The following DLGAP1 variants were observed in gnomAD, a reference collection of about 807,000 sequenced individuals.
DLGAP1 encodes disks large-associated protein 1.
A neutral mutation model predicts 90.8 loss-of-function variants in DLGAP1; 11 were observed. The observed-to-expected ratio is 0.12, with a 90% CI of 0.08 to 0.20. The LOEUF (loss-of-function observed/expected upper bound fraction) is 0.20. Among genes scored for constraint, DLGAP1 ranks in the 10% least tolerant of loss-of-function variants. The pLI is 1.00. For missense variants in DLGAP1, 1,050 were observed against 1,333.8 expected (o/e 0.79, Z 3.31); for synonymous variants, 558 against 540.7 (o/e 1.03, Z -0.44).
intron 5 of DLGAP1, among the ~76,000 whole-genome samples, chr18:3,795,045 C>T (rs1412683866): frequency 6.6e-6 from 1 of 152,210 alleles, no homozygotes; most frequent in Non-Finnish European, 1.5e-5. Flanking sequence ...GAGAATGTAA[C>T]TGAAGCCAAT....
chr18:4,174,984 C>T (rs771705023), intron 1 of DLGAP1, among the ~76,000 whole-genome samples: 2 of 152,002 alleles, frequency 1.3e-5, no homozygotes, highest in Non-Finnish European at 2.9e-5. Flanking sequence ...GTATATGTAC[C>T]ACCTTTTCTT....
chr18:3,755,785 G>A (rs1251909890), intron 5 of DLGAP1, among the ~76,000 whole-genome samples: 7 of 152,046 alleles, frequency 4.6e-5, no homozygotes, highest in Non-Finnish European at 7.4e-5. Flanking sequence ...CAAGGAAACC[G>A]AAGACCTCGA....
At chr18:4,396,339 A>AC (rs147532790) in intron 1 of DLGAP1, among the ~76,000 whole-genome samples, 3 of 152,214 alleles carry the variant, frequency 2.0e-5, no homozygotes, top group Admixed American at 6.5e-5. Flanking sequence ...ATAGAATTCC[A>AC]CAGCCACTCC....
intron 7 of DLGAP1, among the ~76,000 whole-genome samples, chr18:3,621,645 T>G (rs1429556434): frequency 6.6e-6 from 1 of 152,184 alleles, no homozygotes; most frequent in East Asian, 1.9e-4. Context: ...TACTTTCCTT[T>G]TTCTGTCTAT....
At chr18:4,235,752 G>T (rs1299290546) in intron 1 of DLGAP1, among the ~76,000 whole-genome samples, 15 of 122,690 alleles carry the variant, frequency 1.2e-4, no homozygotes, top group African/African-American at 4.0e-4. Context: ...TTGAGACGGA[G>T]TCTCACTCTG....
chr18:3,851,784 T>C (rs2069356620), intron 4 of DLGAP1, among the ~76,000 whole-genome samples: 1 of 152,154 alleles, frequency 6.6e-6, no homozygotes, highest in Non-Finnish European at 1.5e-5. Context: ...TAACCCAACA[T>C]TGTTATTAAT....
At chr18:3,832,804 G>A (rs2148568524) in intron 4 of DLGAP1, among the ~76,000 whole-genome samples, 1 of 152,220 alleles carries the variant, frequency 6.6e-6, no homozygotes, top group South Asian at 2.1e-4. Flanking sequence ...ATACAAAGTA[G>A]GGGCAAGAAG....
At chr18:3,551,158 C>CATATATATATAT (rs1275015577) in intron 9 of DLGAP1, among the ~76,000 whole-genome samples, 100 of 7,826 alleles carry the variant, frequency 0.013, no homozygotes, top group African/African-American at 0.014. Context: ...ATATTATATA[C>CATATATATATAT]ATATATATAT....
chr18:4,191,887 G>C (rs2077407345), intron 1 of DLGAP1, among the ~76,000 whole-genome samples: 1 of 152,014 alleles, frequency 6.6e-6, no homozygotes, highest in African/African-American at 2.4e-5. Context: ...GAGTTCCATG[G>C]GTGCACACAA....
At chr18:4,345,731 A>G (rs1173648093) in intron 1 of DLGAP1, among the ~76,000 whole-genome samples, 1 of 152,176 alleles carries the variant, frequency 6.6e-6, no homozygotes, top group African/African-American at 2.4e-5. Context: ...ACCTCAATCG[A>G]TGTTCAATGC....
intron 1 of DLGAP1, among the ~76,000 whole-genome samples, chr18:4,306,952 C>T (rs2080277407): frequency 6.6e-6 from 1 of 152,164 alleles, no homozygotes; most frequent in Admixed American, 6.5e-5. Flanking sequence ...TTGTCCTTCT[C>T]AATAGCACGT....
At chr18:3,703,480 T>A (rs1010516499) in intron 7 of DLGAP1, among the ~76,000 whole-genome samples, 3 of 152,226 alleles carry the variant, frequency 2.0e-5, no homozygotes, top group Admixed American at 6.5e-5. Context: ...CCAGAACTGC[T>A]TCAAGCACGA....
intron 4 of DLGAP1, among the ~76,000 whole-genome samples, chr18:3,860,270 T>C (rs2069961986): frequency 6.6e-6 from 1 of 151,992 alleles, no homozygotes; most frequent in Non-Finnish European, 1.5e-5. Context: ...CTCTTAAATC[T>C]GCTCTCTTGC....
At chr18:4,161,645 G>A (rs1053693579) in intron 1 of DLGAP1, among the ~76,000 whole-genome samples, 1 of 152,234 alleles carries the variant, frequency 6.6e-6, no homozygotes, top group African/African-American at 2.4e-5. Context: ...TAGTTCATTT[G>A]TTAGAGCCAA....
chr18:3,904,790 C>T (rs1378978224), intron 3 of DLGAP1, among the ~76,000 whole-genome samples: 1 of 152,048 alleles, frequency 6.6e-6, no homozygotes, highest in African/African-American at 2.4e-5. Context: ...CTTTTCACTC[C>T]TTAAGAAACC....
rs903020535 is a variant in DLGAP1 at position 3,879,172 on chromosome 18, C to T, written c.897G>A (p.Met299Ile). The change falls in exon 4 of 13, where the codon ATG becomes ATA. Residue 299 changes from methionine to isoleucine, a missense_variant. This residue lies in a region of DLGAP1 where 485 missense variants were observed against 454.1 expected (regional missense o/e 1.07). Coordinates refer to ENST00000315677, the MANE Select transcript of DLGAP1 (RefSeq NM_004746.4). The surrounding 1 kb of genome is among the most constrained non-coding windows in gnomAD (Gnocchi z 6.6). ...ACTCGGACTTCACCATGGCCTGGTC[C>T]ATGTTCACCGAGGCCTTCTGGTAAA... is the stretch of plus-strand genomic sequence containing the variant. ...REVYQKASVN[M>I]DQAMVKSESC... The T allele has an allele frequency of 9.9e-6, 15 of 1,521,892 alleles. No homozygotes were observed. The African/African-American group carries it at 1.8e-4, about 18-fold the overall frequency. 94.3% of individuals were successfully genotyped at this position (1,521,892 alleles called of 1,614,324 possible).
intron 2 of DLGAP1, among the ~76,000 whole-genome samples, chr18:4,147,839 C>G (rs2076611781): frequency 6.6e-6 from 1 of 152,180 alleles, no homozygotes; most frequent in Non-Finnish European, 1.5e-5. Flanking sequence ...GTCTTTGACT[C>G]AAACTGTAAC....
At chr18:3,605,651 C>T (rs1031429036) in intron 7 of DLGAP1, among the ~76,000 whole-genome samples, 1 of 152,176 alleles carries the variant, frequency 6.6e-6, no homozygotes. Context: ...AATAAAACTT[C>T]AAGAAAGCTG....
intron 1 of DLGAP1, among the ~76,000 whole-genome samples, chr18:4,322,494 C>G (rs1366453877): frequency 6.6e-6 from 1 of 152,062 alleles, no homozygotes; most frequent in Non-Finnish European, 1.5e-5. Flanking sequence ...TAAAAATAAA[C>G]TAAAATGGAT....
Sources: allele counts gnomAD v4.1 joint callset (sites outside exome capture counted in the v4.1 genomes callset), GRCh38; gene constraint gnomAD v4.1.1; regional missense constraint gnomAD v4.1.1; non-coding constraint Gnocchi (gnomAD v3.1); transcripts MANE v1.5; gene names NCBI Gene and HGNC (gene_info 2026-07-23, HGNC 2026-07-21).